Variants in ZNF423 observed in about 807,000 individuals in gnomAD.
ZNF423 encodes the protein Ebf-associated zinc finger protein.
Under a neutral mutation model 95.8 loss-of-function variants are expected in ZNF423, and 12 were observed. That is an observed-to-expected ratio of 0.13 (90% CI 0.08 to 0.20). The LOEUF (loss-of-function observed/expected upper bound fraction) is 0.20. ZNF423 is among the 10% of genes least tolerant of loss of function. ZNF423 has a pLI of 1.00. For missense variants in ZNF423, 1,316 were observed against 1,737.1 expected (o/e 0.76, Z 4.31); for synonymous variants, 749 against 711.9 (o/e 1.05, Z -0.83).
intron 1 of ZNF423, among the ~76,000 whole-genome samples, chr16:49,849,650 G>T (rs1333995647): frequency 1.3e-5 from 2 of 152,162 alleles, no homozygotes; most frequent in South Asian, 2.1e-4. Flanking sequence ...ACTCTTGAGG[G>T]GGGTGAGGCA....
chr16:49,854,189 C>G, intron 1 of ZNF423: 1 of 985,388 alleles, frequency 1.0e-6, no homozygotes, highest in East Asian at 1.1e-4. Context: ...CAGGCTGTCC[C>G]GGATTGGGAG....
chr16:49,810,390 G>A (rs954295744), intron 1 of ZNF423, among the ~76,000 whole-genome samples: 20 of 152,074 alleles, frequency 1.3e-4, no homozygotes, highest in African/African-American at 4.6e-4. Context: ...AAACACCCCT[G>A]CCATGTTGGA....
At chr16:49,532,178 T>G (rs1968870382) in intron 5 of ZNF423, among the ~76,000 whole-genome samples, 1 of 152,188 alleles carries the variant, frequency 6.6e-6, no homozygotes. Context: ...TTTCCTGTGG[T>G]TACTCCTGGG....
intron 3 of ZNF423, among the ~76,000 whole-genome samples, chr16:49,666,140 C>T (rs61307944): frequency 0.023 from 3,505 of 152,302 alleles, 136 homozygotes; most frequent in African/African-American, 0.08. Flanking sequence ...TCCTGGCTGG[C>T]CCCCGCCTCC....
At chr16:49,767,395 C>T (rs2033950235) in intron 2 of ZNF423, among the ~76,000 whole-genome samples, 2 of 152,156 alleles carry the variant, frequency 1.3e-5, no homozygotes, top group Admixed American at 1.3e-4. Flanking sequence ...TGTTCCCAGC[C>T]AAGAGGCTGC....
intron 5 of ZNF423, among the ~76,000 whole-genome samples, chr16:49,580,988 A>G (rs1165517110): frequency 6.6e-6 from 1 of 152,192 alleles, no homozygotes; most frequent in Non-Finnish European, 1.5e-5. Flanking sequence ...CGGGCTGAGT[A>G]GATGTACGCT....
At chr16:49,567,592 C>T (rs1597113570) in intron 5 of ZNF423, among the ~76,000 whole-genome samples, 1 of 152,266 alleles carries the variant, frequency 6.6e-6, no homozygotes, top group East Asian at 1.9e-4. Context: ...AGCTCCCATT[C>T]CCACCCTGAA....
intron 3 of ZNF423, among the ~76,000 whole-genome samples, chr16:49,646,687 G>A (rs908346577): frequency 5.3e-5 from 8 of 150,846 alleles, no homozygotes; most frequent in Admixed American, 4.0e-4. Flanking sequence ...TCTCTGCCTC[G>A]GTAGGAATCC....
chr16:49,690,897 C>T (rs1310187948), intron 3 of ZNF423, among the ~76,000 whole-genome samples: 1 of 152,176 alleles, frequency 6.6e-6, no homozygotes, highest in Non-Finnish European at 1.5e-5. Context: ...GCTCCAGAGA[C>T]AGCCAGGAGG....
At chr16:49,736,732 C>T (rs967075182) in intron 2 of ZNF423, among the ~76,000 whole-genome samples, 2 of 152,164 alleles carry the variant, frequency 1.3e-5, no homozygotes, top group South Asian at 4.1e-4. Context: ...GAGTTGGAGG[C>T]TGCAGTGAGC....
chr16:49,665,547 C>T (rs1171667312), intron 3 of ZNF423, among the ~76,000 whole-genome samples: 1 of 152,190 alleles, frequency 6.6e-6, no homozygotes, highest in Non-Finnish European at 1.5e-5. Flanking sequence ...CAGAAATGAG[C>T]TCCAAGCGGC....
intron 2 of ZNF423, among the ~76,000 whole-genome samples, chr16:49,765,082 C>T (rs533293305): frequency 1.4e-3 from 206 of 152,142 alleles, no homozygotes; most frequent in African/African-American, 4.8e-3. Context: ...TCCTGCAACC[C>T]CATTCTTGGT....
intron 1 of ZNF423, among the ~76,000 whole-genome samples, chr16:49,831,097 G>A (rs574290783): frequency 5.9e-5 from 9 of 152,224 alleles, no homozygotes; most frequent in East Asian, 5.8e-4. Context: ...ACCTCAGGGT[G>A]TGAGGGGGAA....
chr16:49,645,908 C>A (rs913974927), intron 3 of ZNF423, among the ~76,000 whole-genome samples: 20 of 152,330 alleles, frequency 1.3e-4, no homozygotes, highest in Admixed American at 5.9e-4. Flanking sequence ...ATGTTTGTTT[C>A]CCCTTCCAAC....
intron 3 of ZNF423, among the ~76,000 whole-genome samples, chr16:49,693,886 G>A (rs1487733102): frequency 6.6e-6 from 1 of 152,216 alleles, no homozygotes; most frequent in East Asian, 1.9e-4. Flanking sequence ...AAGCCAGTTT[G>A]AGATGCGACT....
rs1221256733 is a variant in ZNF423, at chr16:49,594,746, T to C, written c.3601+31424A>G. 3.9e-5 allele frequency among the ~76,000 whole-genome samples: 6 copies of C among 152,200 alleles called. No individual in the cohort carries two copies. The East Asian group carries it at 9.6e-4, about 24-fold the overall frequency. Reference sequence around the variant, plus strand: ...CGAAACAAACTCACGGGGATGCAGATGGACAGGCGCAAATATAACACAAAT... The same window carrying C: ...CGAAACAAACTCACGGGGATGCAGACGGACAGGCGCAAATATAACACAAAT... On this transcript the variant is annotated intron_variant, in intron 5 of 7. Transcript: ENST00000563137.
At chr16:49,781,473 G>A (rs1177571706) in intron 2 of ZNF423, among the ~76,000 whole-genome samples, 2 of 152,204 alleles carry the variant, frequency 1.3e-5, no homozygotes, top group African/African-American at 4.8e-5. Context: ...GAAGCTTATA[G>A]ACGAATGGAG....
intron 3 of ZNF423, among the ~76,000 whole-genome samples, chr16:49,665,672 G>A (rs1043292990): frequency 2.0e-5 from 3 of 151,934 alleles, no homozygotes; most frequent in African/African-American, 7.2e-5. Flanking sequence ...TGGTAGCACC[G>A]CCCCCCACCC....
At chr16:49,516,178 C>T (rs1408636095) in intron 7 of ZNF423, among the ~76,000 whole-genome samples, 1 of 152,210 alleles carries the variant, frequency 6.6e-6, no homozygotes, top group Non-Finnish European at 1.5e-5. Context: ...CTTTATGCCC[C>T]GTCTCACTGC....
Sources: gnomAD v4.1 joint callset for allele counts (sites outside exome capture counted in the v4.1 genomes callset) on GRCh38, gnomAD v4.1.1 for gene constraint, MANE v1.5 for transcripts, NCBI Gene and HGNC (gene_info 2026-07-23, HGNC 2026-07-21) for gene names.